Variants in FAM184A observed in about 807,000 individuals in gnomAD.
FAM184A encodes protein FAM184A.
A neutral mutation model predicts 143.8 loss-of-function variants in FAM184A; 99 were observed. The ratio of observed to expected loss-of-function variants is 0.69; its 90% CI spans 0.58 to 0.81. FAM184A has a LOEUF of 0.81. FAM184A is among the 40% of genes least tolerant of loss of function. FAM184A has a pLI of 0.00. For synonymous variants in FAM184A, 427 were observed against 446.4 expected, an observed-to-expected ratio of 0.96 and a Z score of 0.55; for missense variants, 1,217 against 1,310.5, an observed-to-expected ratio of 0.93 and a Z score of 1.10.
chr6:118,966,581 A>G (rs1305474874), intron 15 of FAM184A, among the ~76,000 whole-genome samples: 2 of 152,222 alleles, frequency 1.3e-5, no homozygotes, highest in African/African-American at 4.8e-5. Flanking sequence ...GTGACATATT[A>G]TTAAACATTC....
At chr6:118,990,624 G>A (rs961752215) in intron 9 of FAM184A, among the ~76,000 whole-genome samples, 1 of 152,042 alleles carries the variant, frequency 6.6e-6, no homozygotes, top group Non-Finnish European at 1.5e-5. Context: ...CCAGCACTCT[G>A]GGAGGCCGAA....
intron 1 of FAM184A, among the ~76,000 whole-genome samples, chr6:119,112,318 G>T (rs1274959726): frequency 1.3e-5 from 2 of 151,924 alleles, no homozygotes; most frequent in Non-Finnish European, 2.9e-5. Flanking sequence ...AGTAGAGACG[G>T]GGTTTCTCCA....
At chr6:119,015,671 C>T (rs1413305282) in intron 5 of FAM184A, among the ~76,000 whole-genome samples, 4 of 152,244 alleles carry the variant, frequency 2.6e-5, no homozygotes, top group Non-Finnish European at 5.9e-5. Context: ...TGCTCCACGG[C>T]GCCCAGTCCC....
intron 2 of FAM184A, 108 bp downstream of exon 2, chr6:119,023,851 G>T: frequency 1.3e-6 from 1 of 756,314 alleles, no homozygotes. Flanking sequence ...AAGTCTAAGT[G>T]GTGTGAAGCC....
At chr6:119,016,984 T>C (rs983434364) in intron 4 of FAM184A, 40 bp from the exon 5 acceptor site, 1 of 1,398,588 alleles carries the variant, frequency 7.2e-7, no homozygotes, top group East Asian at 2.3e-5. Context: ...CACCTGCTTT[T>C]TTCATTACTG....
chr6:119,035,360 A>G (rs186483476), intron 1 of FAM184A, among the ~76,000 whole-genome samples: 5 of 152,318 alleles, frequency 3.3e-5, no homozygotes, highest in Admixed American at 3.3e-4. Context: ...ATTAACATTA[A>G]AACAATGATT....
chr6:119,057,188 A>G (rs1271236216), intron 1 of FAM184A, among the ~76,000 whole-genome samples: 1 of 152,168 alleles, frequency 6.6e-6, no homozygotes, highest in African/African-American at 2.4e-5. Context: ...AAAGATCCAA[A>G]TCTTGGAAGT....
At chr6:119,023,516 A>T (rs1171966107) in intron 2 of FAM184A, among the ~76,000 whole-genome samples, 2 of 151,282 alleles carry the variant, frequency 1.3e-5, no homozygotes, top group Admixed American at 6.6e-5. Flanking sequence ...TTTAAGCCCA[A>T]TATTAAAATC....
chr6:118,961,490 A>G (rs529722716), intron 17 of FAM184A, among the ~76,000 whole-genome samples: 67 of 152,020 alleles, frequency 4.4e-4, no homozygotes, highest in African/African-American at 1.6e-3. Flanking sequence ...AAATAAAGTA[A>G]TTGTGCATAA....
At chr6:118,999,914 C>T (rs1784694980) in intron 9 of FAM184A, among the ~76,000 whole-genome samples, 1 of 152,138 alleles carries the variant, frequency 6.6e-6, no homozygotes, top group South Asian at 2.1e-4. Flanking sequence ...TTTAAAGTCA[C>T]CTACTGCACA....
chr6:119,085,061 G>T (rs1309798314), intron 1 of FAM184A, among the ~76,000 whole-genome samples: 1 of 152,240 alleles, frequency 6.6e-6, no homozygotes, highest in Non-Finnish European at 1.5e-5. Flanking sequence ...TCTGCCCATT[G>T]TCTTGGCTAT....
chr6:119,084,171 T>C (rs1253507791), intron 1 of FAM184A, among the ~76,000 whole-genome samples: 1 of 152,108 alleles, frequency 6.6e-6, no homozygotes, highest in East Asian at 1.9e-4. Context: ...ATCATGAGAA[T>C]AGCATGGGAG....
intron 9 of FAM184A, among the ~76,000 whole-genome samples, chr6:118,991,784 A>T (rs1475464265): frequency 3.2e-4 from 28 of 87,312 alleles, no homozygotes; most frequent in Non-Finnish European, 6.4e-4. Flanking sequence ...TTTTTTTGAG[A>T]CAGAGTCTCA....
rs914823795 is a variant in FAM184A, at chr6:119,023,565, C to G, written c.1014+394G>C. 7.4e-4 allele frequency among the ~76,000 whole-genome samples: 77 copies of G among 104,602 alleles called. 3 individuals are homozygous for G. Among genetic ancestry groups the G allele is most frequent in the African/African-American group, 2.3e-3 (71 of 30,236 alleles). The allele number at this position is 104,602 out of a possible 152,430, so 68.6% of individuals were successfully genotyped here. A position where few individuals can be genotyped will look rare whatever the true frequency, so the allele number is the denominator to read the frequency against. On this transcript the variant is annotated intron_variant, in intron 2 of 17. Transcript: ENST00000338891. ...TTAGCAATATTGTCCGCCCCCCCCC[C>G]CAGGAACAGCGTATTACCTCGCTAA...
chr6:118,967,578 G>T (rs1396355542), intron 14 of FAM184A, among the ~76,000 whole-genome samples: 1 of 152,160 alleles, frequency 6.6e-6, no homozygotes, highest in East Asian at 1.9e-4. Flanking sequence ...TGAATGATAT[G>T]AGGTGGTAAT....
intron 1 of FAM184A, among the ~76,000 whole-genome samples, chr6:119,027,914 T>C (rs1785721226): frequency 6.6e-6 from 1 of 152,218 alleles, no homozygotes; most frequent in African/African-American, 2.4e-5. Flanking sequence ...TTAAATGTTT[T>C]AAACAAAGCT....
At chr6:119,050,074 G>C (rs916523034) in intron 1 of FAM184A, among the ~76,000 whole-genome samples, 2 of 152,022 alleles carry the variant, frequency 1.3e-5, no homozygotes, top group African/African-American at 4.8e-5. Flanking sequence ...GCATACGAAA[G>C]AAAGGTCAAT....
intron 1 of FAM184A, among the ~76,000 whole-genome samples, chr6:119,095,251 C>T (rs976668535): frequency 3.9e-5 from 6 of 152,182 alleles, no homozygotes; most frequent in South Asian, 2.1e-4. Flanking sequence ...CCAGGATAAC[C>T]TTTGTCTCCT....
At chr6:119,090,114 G>A (rs1177467127) in intron 1 of FAM184A, among the ~76,000 whole-genome samples, 1 of 152,060 alleles carries the variant, frequency 6.6e-6, no homozygotes, top group East Asian at 1.9e-4. Flanking sequence ...TTGCAAGCAG[G>A]GACTGAATAA....
Sources: allele counts gnomAD v4.1 joint callset (sites outside exome capture counted in the v4.1 genomes callset), GRCh38; gene constraint gnomAD v4.1.1; transcripts MANE v1.5; gene names NCBI Gene and HGNC (gene_info 2026-07-23, HGNC 2026-07-21).